The following ACTR10 variants were observed in gnomAD, a reference collection of about 807,000 sequenced individuals.
The protein encoded by ACTR10 is actin related protein 10, also known as actin-related protein 10.
In ACTR10, 43 loss-of-function variants were observed where a neutral mutation model predicts 56.2. That is an observed-to-expected ratio of 0.77 (90% CI 0.60 to 0.99). The LOEUF is 0.99. Ranked by LOEUF, ACTR10 falls within the 50% of genes least tolerant of loss-of-function variation. The pLI is 0.00. For missense variants in ACTR10, 466 were observed against 507.8 expected (o/e 0.92, Z 0.79); for synonymous variants, 170 against 176.3 (o/e 0.96, Z 0.28).
chr14:58,209,128 T>C, intron 4 of ACTR10, 21 bp downstream of exon 4: 1 of 1,433,740 alleles, frequency 7.0e-7, no homozygotes. Context: ...TTATATCAAA[T>C]AAGTAAATTG....
intron 11 of ACTR10, chr14:58,231,227 T>C: frequency 5.4e-6 from 1 of 185,060 alleles, no homozygotes; most frequent in South Asian, 7.1e-5. Flanking sequence ...TAATTTTGTA[T>C]TTTTGGTAGA....
chr14:58,216,187 C>T (rs956150777), intron 7 of ACTR10, among the ~76,000 whole-genome samples: 7 of 152,262 alleles, frequency 4.6e-5, no homozygotes, highest in South Asian at 2.1e-4. Flanking sequence ...GGCAGTGGCG[C>T]GATCTTGGCT....
intron 8 of ACTR10, among the ~76,000 whole-genome samples, chr14:58,220,433 A>G (rs1010911096): frequency 6.6e-6 from 1 of 152,230 alleles, no homozygotes; most frequent in African/African-American, 2.4e-5. Context: ...CTTGCTTTCC[A>G]TTATATTACC....
chr14:58,202,651 G>T (rs998324052), intron 1 of ACTR10, among the ~76,000 whole-genome samples: 1 of 151,402 alleles, frequency 6.6e-6, no homozygotes. Context: ...GAATTTCATA[G>T]AATTTTTTTC....
chr14:58,233,609 G>C (rs1195680319), intron 12 of ACTR10, among the ~76,000 whole-genome samples: 2 of 152,308 alleles, frequency 1.3e-5, no homozygotes, highest in East Asian at 3.9e-4. Context: ...AGTTTTCGGG[G>C]AGTCAAAAAT....
chr14:58,224,069 C>T (rs570487733), intron 10 of ACTR10, among the ~76,000 whole-genome samples: 7 of 152,000 alleles, frequency 4.6e-5, no homozygotes, highest in East Asian at 3.9e-4. Flanking sequence ...GGCACGATCT[C>T]GGCTCACTGT....
chr14:58,215,932 A>G (rs1446973271), intron 7 of ACTR10, among the ~76,000 whole-genome samples: 2 of 150,890 alleles, frequency 1.3e-5, no homozygotes, highest in African/African-American at 2.4e-5. Flanking sequence ...TAGCCTTTCA[A>G]TTCTTCAGAA....
intron 2 of ACTR10, chr14:58,207,227 G>A (rs1888889474): frequency 6.5e-6 from 1 of 154,168 alleles, no homozygotes; most frequent in South Asian, 1.9e-4. Flanking sequence ...TTTTAGTAGA[G>A]ATAGGGTTTC....
rs759631415 is a variant in ACTR10 at position 58,213,635 on chromosome 14, A to G, written c.455A>G (p.Tyr152Cys). 6.2e-7 allele frequency: 1 copy of G among 1,609,716 alleles called. No individual in the cohort carries two copies. Among genetic ancestry groups the G allele is most frequent in the Admixed American group, 1.7e-5 (1 of 59,778 alleles). Residue 152 changes from tyrosine to cysteine, a missense_variant, in exon 6 of 13, where the codon TAT becomes TGT. Tyr to Cys is a radical substitution (Grantham distance 194). Transcript: ENST00000254286. ...GYRESLVLPI[Y>C]EGIPVLNCWG... Reference sequence around the variant, plus strand: ...GTATCCTTGACTACTCTATAGATATATGAAGGAATCCCAGTTCTAAATTGT... The same window carrying G: ...GTATCCTTGACTACTCTATAGATATGTGAAGGAATCCCAGTTCTAAATTGT...
At chr14:58,229,474 C>G (rs182028261) in intron 10 of ACTR10, among the ~76,000 whole-genome samples, 136 of 151,930 alleles carry the variant, frequency 9.0e-4, no homozygotes, top group Non-Finnish European at 1.6e-3. Flanking sequence ...GTCAGGAGAT[C>G]GAGACCATCC....
intron 2 of ACTR10, among the ~76,000 whole-genome samples, chr14:58,203,147 CA>C (rs1294077174): frequency 1.3e-5 from 2 of 151,606 alleles, no homozygotes; most frequent in Non-Finnish European, 2.9e-5. Context: ...ACTAAAAATA[CA>C]AAAATTAGCC....
chr14:58,205,289 T>G (rs1176057663), intron 2 of ACTR10, among the ~76,000 whole-genome samples: 2 of 151,920 alleles, frequency 1.3e-5, no homozygotes, highest in Non-Finnish European at 2.9e-5. Flanking sequence ...GCAGTTTATA[T>G]TTGGCATTTA....
In ACTR10 at chr14:58,234,455, T is replaced by C; in HGVS notation, c.1158T>C (p.Asp386=). Residue 386 remains aspartate, a synonymous_variant, in exon 13 of 13, where the codon GAT becomes GAC. Coordinates refer to ENST00000254286, the MANE Select transcript of ACTR10 (RefSeq NM_018477.3). ...EYYNQTGRIP[D]WCSLNNPPLE... is the part of the protein sequence containing the mutation. ...ATAATCAGACGGGCCGTATACCTGA[T>C]TGGTGTTCTCTCAATAACCCACCTT... 6.2e-7 allele frequency: 1 copy of C among 1,613,702 alleles called. No homozygotes were observed. The highest frequency in any genetic ancestry group is 8.5e-7 in the Non-Finnish European group (1 of 1,179,796).
intron 10 of ACTR10, among the ~76,000 whole-genome samples, chr14:58,228,585 G>A (rs1303663126): frequency 3.4e-5 from 5 of 145,506 alleles, no homozygotes; most frequent in African/African-American, 1.3e-4. Context: ...CACAGAGCGA[G>A]ACTCTGTCTC....
intron 10 of ACTR10, 49 bp from the exon 11 acceptor site, chr14:58,230,349 AT>A: frequency 9.4e-7 from 1 of 1,059,210 alleles, no homozygotes; most frequent in South Asian, 1.5e-5. Flanking sequence ...TCTGTGTAAT[AT>A]TATAATACGT....
At chr14:58,231,320 G>A (rs907213169) in intron 11 of ACTR10, among the ~76,000 whole-genome samples, 6 of 151,808 alleles carry the variant, frequency 4.0e-5, no homozygotes, top group Non-Finnish European at 7.4e-5. Context: ...CCAAAGGGCT[G>A]TACAGGCGTG....
At position 58,219,734 on chromosome 14, in the gene ACTR10, A is replaced by C. The variant is rs751792881; in HGVS notation, c.634+5A>C. 13 of 1,518,700 alleles carry C rather than the reference A, an allele frequency of 8.6e-6. No homozygotes were observed. The highest frequency in any genetic ancestry group is 1.1e-5 in the Non-Finnish European group (13 of 1,131,170). 94.1% of individuals were successfully genotyped at this position (1,518,700 alleles called of 1,614,324 possible). ...GTGTCTTAGAGGACATTAAAGGTAA[A>C]CTAAGTTCTCATTTTTGTCCCTTTC... On this transcript the variant is annotated splice_donor_5th_base_variant and intron_variant, in intron 8 of 12. Coordinates refer to ENST00000254286, the MANE Select transcript of ACTR10 (RefSeq NM_018477.3).
chr14:58,209,219 A>C, intron 4 of ACTR10, 112 bp downstream of exon 4: 1 of 702,434 alleles, frequency 1.4e-6, no homozygotes, highest in Non-Finnish European at 2.3e-6. Flanking sequence ...GTTGGTAGGT[A>C]CTCAAAACTT....
In ACTR10 at chr14:58,219,725, TA is replaced by T; in HGVS notation, c.633del (p.Ala212ArgfsTer6). 1 of 1,525,254 alleles carries T rather than the reference TA, an allele frequency of 6.6e-7. No homozygotes were observed. Among genetic ancestry groups the T allele is most frequent in the South Asian group, 1.3e-5 (1 of 76,934 alleles). The allele number at this position is 1,525,254 out of a possible 1,614,324, so 94.5% of individuals were successfully genotyped here. ...SVPEGVLEDI[K>X]ARTCFVSDLK... The stretch of plus-strand genomic sequence containing the variant: ...TTCCGGAAGGTGTCTTAGAGGACAT[TA>T]AAGGTAAACTAAGTTCTCATTTTTG... On this transcript the variant is annotated frameshift_variant, in exon 8 of 13. Transcript: ENST00000254286. LOFTEE classifies it high-confidence loss of function.
Sources: gnomAD v4.1 joint callset for allele counts (sites outside exome capture counted in the v4.1 genomes callset) on GRCh38, gnomAD v4.1.1 for gene constraint, MANE v1.5 for transcripts, NCBI Gene and HGNC (gene_info 2026-07-23, HGNC 2026-07-21) for gene names.